Variants in DGKB observed in about 807,000 individuals in gnomAD.
The protein encoded by DGKB is diacylglycerol kinase beta.
In DGKB, 67 loss-of-function variants were observed where a neutral mutation model predicts 114.3. That is an observed-to-expected ratio of 0.59 (90% CI 0.48 to 0.72). The LOEUF is 0.72. Among genes scored for constraint, DGKB ranks in the 30% least tolerant of loss-of-function variants. The pLI is 0.00. For synonymous variants in DGKB, 398 were observed against 323.1 expected (o/e 1.23, Z -2.49); for missense variants, 907 against 975.2 (o/e 0.93, Z 0.93).
chr7:14,240,838 A>AAT lies in DGKB; in HGVS notation c.2123-62689_2123-62688dup, dbSNP rs914928496. On this transcript the variant is annotated intron_variant, in intron 23 of 25. Transcript: ENST00000402815. ...GAGGATTAATAAAAGTTGCTATTAA[A>AAT]ATATATATATTTAATAAGCACAGAG... Among the ~76,000 whole-genome samples the AAT allele has an allele frequency of 9.9e-5, 15 of 152,204 alleles. No individual in the cohort carries two copies. The East Asian group carries it at 2.5e-3, about 25-fold the overall frequency.
At position 14,574,206 on chromosome 7, in the gene DGKB, T is replaced by A; in HGVS notation, c.1770+6A>T. ...TACAAAGGTAAAATTTAGTGGAGAA[T>A]CTTACCACGCCAATGGAAAAGTAAT... On this transcript the variant is annotated splice_donor_region_variant and intron_variant, in intron 20 of 25. Coordinates refer to ENST00000402815, the MANE Select transcript of DGKB (RefSeq NM_001350709.2). The A allele has an allele frequency of 6.2e-7, 1 of 1,610,884 alleles. No homozygotes were observed. Among genetic ancestry groups the A allele is most frequent in the Non-Finnish European group, 8.5e-7 (1 of 1,178,594 alleles).
intron 23 of DGKB, among the ~76,000 whole-genome samples, chr7:14,213,098 T>G (rs1473459302): frequency 6.6e-6 from 1 of 152,030 alleles, no homozygotes; most frequent in South Asian, 2.1e-4. Context: ...CAGTTTTGTA[T>G]ATCAATTTTT....
chr7:14,805,524 C>T (rs1047180122), intron 2 of DGKB, among the ~76,000 whole-genome samples: 1 of 151,926 alleles, frequency 6.6e-6, no homozygotes, highest in Admixed American at 6.6e-5. Context: ...TTTCAGTTGC[C>T]ATGGATTTAA....
intron 17 of DGKB, among the ~76,000 whole-genome samples, chr7:14,590,841 T>C (rs1293901152): frequency 6.6e-6 from 1 of 152,150 alleles, no homozygotes; most frequent in Non-Finnish European, 1.5e-5. Flanking sequence ...TATATTTTTT[T>C]CTTTATTAAA....
intron 23 of DGKB, among the ~76,000 whole-genome samples, chr7:14,291,826 G>A (rs559707271): frequency 9.9e-5 from 15 of 152,250 alleles, no homozygotes; most frequent in Non-Finnish European, 1.8e-4. Context: ...CAAAGATCTT[G>A]TTGCCCTGAA....
intron 25 of DGKB, among the ~76,000 whole-genome samples, chr7:14,151,577 T>G (rs1258963529): frequency 6.6e-6 from 1 of 152,034 alleles, no homozygotes; most frequent in Non-Finnish European, 1.5e-5. Flanking sequence ...AAAACACAAG[T>G]TCTAGTTTGC....
intron 9 of DGKB, among the ~76,000 whole-genome samples, chr7:14,690,902 A>ATT (rs1822733648): frequency 6.6e-6 from 1 of 152,248 alleles, no homozygotes; most frequent in East Asian, 1.9e-4. Context: ...AGAATCACAA[A>ATT]GCCATCCAAA....
intron 23 of DGKB, among the ~76,000 whole-genome samples, chr7:14,297,460 A>C (rs1455674247): frequency 6.6e-6 from 1 of 152,162 alleles, no homozygotes; most frequent in Non-Finnish European, 1.5e-5. Flanking sequence ...AAACCACATG[A>C]TTATCTCAAT....
At chr7:14,355,174 C>G (rs1409307364) in intron 21 of DGKB, among the ~76,000 whole-genome samples, 1 of 152,068 alleles carries the variant, frequency 6.6e-6, no homozygotes, top group African/African-American at 2.4e-5. Context: ...TCTTTCTCCA[C>G]CAACCCCCCA....
chr7:14,695,461 C>T (rs140623563), intron 8 of DGKB, among the ~76,000 whole-genome samples: 1,461 of 143,384 alleles, frequency 0.01, 25 homozygotes, highest in African/African-American at 0.035. Flanking sequence ...CTATTGTAAT[C>T]AACCTCAAAT....
At chr7:14,763,651 G>T (rs977674300) in intron 2 of DGKB, among the ~76,000 whole-genome samples, 1 of 152,008 alleles carries the variant, frequency 6.6e-6, no homozygotes, top group Non-Finnish European at 1.5e-5. Context: ...ACAGCCAAAA[G>T]AATGTACAGT....
Position 14,392,995 on chromosome 7 carries a change from G to GTTTTGTTGTTTTTTTTTTTTTTTTT in DGKB, c.1836-47605_1836-47604insAAAAAAAAAAAAAAAAACAACAAAA, listed in dbSNP as rs1554404749. ...CAAAACAGACCTGTTTTTTGTTTTT[G>GTTTTGTTGTTTTTTTTTTTTTTTTT]TTTTTTTTTTTTTGAGACGGAGTCT... On this transcript the variant is annotated intron_variant, in intron 21 of 25. Transcript: ENST00000402815. Among the ~76,000 whole-genome samples, 178 of 60,542 alleles carry GTTTTGTTGTTTTTTTTTTTTTTTTT rather than the reference G, an allele frequency of 2.9e-3. 15 individuals are homozygous for GTTTTGTTGTTTTTTTTTTTTTTTTT. Among genetic ancestry groups the GTTTTGTTGTTTTTTTTTTTTTTTTT allele is most frequent in the African/African-American group, 8.0e-3 (165 of 20,678 alleles). The allele number at this position is 60,542 out of a possible 152,430, so 39.7% of individuals were successfully genotyped here.
chr7:14,373,886 A>G (rs1818073796), intron 21 of DGKB, among the ~76,000 whole-genome samples: 1 of 151,536 alleles, frequency 6.6e-6, no homozygotes, highest in Non-Finnish European at 1.5e-5. Flanking sequence ...ATTTCTCCCT[A>G]TCCTTTACAC....
At chr7:14,953,663 TA>T (rs1344916541) in intron 1 of DGKB, among the ~76,000 whole-genome samples, 8 of 152,146 alleles carry the variant, frequency 5.3e-5, no homozygotes, top group Non-Finnish European at 1.2e-4. Context: ...AACCTTGAGT[TA>T]CCAGTTCACC....
chr7:14,213,426 A>T (rs542343257), intron 23 of DGKB, among the ~76,000 whole-genome samples: 1 of 152,272 alleles, frequency 6.6e-6, no homozygotes, highest in Non-Finnish European at 1.5e-5. Context: ...TGGATTTGTC[A>T]CTTTTCTGTA....
At chr7:14,874,916 T>C (rs1562785174) in intron 1 of DGKB, among the ~76,000 whole-genome samples, 1 of 152,098 alleles carries the variant, frequency 6.6e-6, no homozygotes, top group East Asian at 1.9e-4. Context: ...TATCTTCCCT[T>C]CCCAAACTCT....
rs569171940 is a variant in DGKB, at chr7:14,797,697, T to C, written c.71-39966A>G. Among the ~76,000 whole-genome samples, 5 of 152,138 alleles carry C rather than the reference T, an allele frequency of 3.3e-5. No homozygotes were observed. The South Asian group carries it at 1.0e-3, about 32-fold the overall frequency. ...CTGTGAGGTTTCATCTACATAATAA[T>C]GTTGGAGCTTGTTCTATCCTGTAGT... On this transcript the variant is annotated intron_variant, in intron 2 of 25. Coordinates refer to ENST00000402815, the MANE Select transcript of DGKB (RefSeq NM_001350709.2).
intron 20 of DGKB, among the ~76,000 whole-genome samples, chr7:14,526,246 T>C (rs1790623012): frequency 6.6e-6 from 1 of 152,174 alleles, no homozygotes; most frequent in Non-Finnish European, 1.5e-5. Context: ...AGCCGGATTC[T>C]TCGTTGTTGT....
At chr7:14,251,514 C>CTATT (rs1795232709) in intron 23 of DGKB, among the ~76,000 whole-genome samples, 1 of 152,032 alleles carries the variant, frequency 6.6e-6, no homozygotes, top group Admixed American at 6.6e-5. Flanking sequence ...AACTTTTAGA[C>CTATT]CAGATTAAAA....
Sources: allele counts gnomAD v4.1 joint callset (sites outside exome capture counted in the v4.1 genomes callset), GRCh38; gene constraint gnomAD v4.1.1; transcripts MANE v1.5; gene names NCBI Gene and HGNC (gene_info 2026-07-23, HGNC 2026-07-21).